Variants in SH3YL1 observed in about 807,000 individuals in gnomAD.
SH3YL1 encodes the protein SH3 and SYLF domain containing 1.
In SH3YL1, 41 loss-of-function variants were observed where a neutral mutation model predicts 45.8. The ratio of observed to expected loss-of-function variants is 0.89; its 90% CI spans 0.70 to 1.16. The LOEUF is 1.16. SH3YL1 is among the 50% of genes most tolerant of loss of function. SH3YL1 has a pLI of 0.00. For missense variants in SH3YL1, 389 were observed against 409.6 expected (o/e 0.95, Z 0.43); for synonymous variants, 152 against 151.4 (o/e 1.00, Z -0.03).
At chr2:263,819 G>A (rs1669711578) in intron 1 of SH3YL1, 165 bp downstream of exon 1, 1 of 563,734 alleles carries the variant, frequency 1.8e-6, no homozygotes, top group Non-Finnish European at 3.2e-6. Context: ...GGTCAAGAAA[G>A]TCCTGGAAGC....
At chr2:241,802 C>A (rs1190028058) in intron 4 of SH3YL1, 7 of 151,818 alleles carry the variant, frequency 4.6e-5, no homozygotes, top group African/African-American at 1.7e-4. Flanking sequence ...AAGTATATTT[C>A]AAAAATGAAG....
chr2:223,794 C>T (rs779234226), intron 9 of SH3YL1, among the ~76,000 whole-genome samples: 42 of 152,236 alleles, frequency 2.8e-4, no homozygotes, highest in African/African-American at 9.1e-4. Context: ...GGTGAGCCCC[C>T]GACCATCGCA....
In SH3YL1 at chr2:249,857, A is replaced by T. The variant is rs776573659; in HGVS notation, c.113-13T>A. ...GCAATTACGTGAGCTGTTAACGTGGAAAACAATGGGAAGGTAAGCATTTTG... is the reference window on the plus strand; with the variant it reads ...GCAATTACGTGAGCTGTTAACGTGGTAAACAATGGGAAGGTAAGCATTTTG... On this transcript the variant is annotated splice_polypyrimidine_tract_variant and intron_variant, in intron 2 of 9. Transcript: ENST00000356150. 5.9e-6 allele frequency: 9 copies of T among 1,521,740 alleles called. No homozygotes were observed. In the African/African-American group the frequency reaches 1.1e-4, roughly 19 times the overall value. 94.3% of individuals were successfully genotyped at this position (1,521,740 alleles called of 1,614,324 possible). A position where few individuals can be genotyped will look rare whatever the true frequency, so the allele number is the denominator to read the frequency against.
chr2:241,814 G>T (rs1668560275), intron 4 of SH3YL1: 1 of 151,834 alleles, frequency 6.6e-6, no homozygotes, highest in Non-Finnish European at 1.5e-5. Flanking sequence ...AAAATGAAGG[G>T]GATATGAAGA....
At chr2:258,985 C>T (rs1211334058) in intron 1 of SH3YL1, among the ~76,000 whole-genome samples, 1 of 152,190 alleles carries the variant, frequency 6.6e-6, no homozygotes, top group East Asian at 1.9e-4. Flanking sequence ...TTACCTCAGC[C>T]TCTTCAGACT....
chr2:225,357 T>C (rs1209788914), intron 8 of SH3YL1, among the ~76,000 whole-genome samples: 11 of 152,198 alleles, frequency 7.2e-5, no homozygotes, highest in African/African-American at 2.4e-4. Context: ...CAGAACGGTC[T>C]GGGGGTTTGC....
chr2:242,331 C>G (rs984098513), intron 4 of SH3YL1, among the ~76,000 whole-genome samples: 37 of 151,676 alleles, frequency 2.4e-4, no homozygotes, highest in African/African-American at 8.5e-4. Context: ...TCATGAATTG[C>G]TGAGTGTGTA....
At chr2:227,673 T>C (rs1302373601) in intron 8 of SH3YL1, among the ~76,000 whole-genome samples, 1 of 152,200 alleles carries the variant, frequency 6.6e-6, no homozygotes, top group Non-Finnish European at 1.5e-5. Context: ...TGTTTGTACA[T>C]GCCATGTGTA....
rs934392520 is a variant in SH3YL1 at position 229,601 on chromosome 2, C to T, written c.781+365G>A. ...AAAATTAGCCGGGCGTAGTGGCGGG[C>T]GCCTGTAGTCCCAGCTACTTGGGAG... is the stretch of plus-strand genomic sequence containing the variant. On this transcript the variant is annotated intron_variant, in intron 8 of 9. Transcript: ENST00000356150. Among the ~76,000 whole-genome samples, 168 of 150,036 alleles carry T rather than the reference C, an allele frequency of 1.1e-3. 1 individual carries two copies. The highest frequency in any genetic ancestry group is 6.9e-3 in the Middle Eastern group (2 of 288).
chr2:251,665 T>C (rs1256396106), intron 2 of SH3YL1, among the ~76,000 whole-genome samples: 2 of 152,194 alleles, frequency 1.3e-5, no homozygotes, highest in Non-Finnish European at 2.9e-5. Flanking sequence ...TGCAGACTGA[T>C]TTGTGACGTC....
Position 234,649 on chromosome 2 carries a change from C to A in SH3YL1, c.292-377G>T, listed in dbSNP as rs114453826. ...GTTGTTGGAAGGGATCCAACATGCT[C>A]TCTGATCTCATCAGACTAAACTTTG... On this transcript the variant is annotated intron_variant, in intron 4 of 9. Transcript: ENST00000356150. Among the ~76,000 whole-genome samples the A allele has an allele frequency of 3.3e-3, 485 of 145,902 alleles. 2 individuals are homozygous for A. Among genetic ancestry groups the A allele is most frequent in the African/African-American group, 0.012 (475 of 39,726 alleles).
At chr2:264,537 T>C (rs1217373352), upstream of SH3YL1, 2 of 179,200 alleles carry the variant, frequency 1.1e-5, no homozygotes, top group African/African-American at 2.6e-5. Flanking sequence ...ATAGGTAACC[T>C]TTACCTCCCG....
At chr2:231,312 CACT>C (rs1668033684) in intron 6 of SH3YL1, 121 bp from the exon 7 acceptor site, 3 of 741,564 alleles carry the variant, frequency 4.0e-6, no homozygotes, top group Middle Eastern at 3.9e-4. Context: ...ACTTCATATA[CACT>C]ACTTTTTAAA....
chr2:254,457 C>G (rs1669218213), intron 1 of SH3YL1, among the ~76,000 whole-genome samples: 1 of 152,214 alleles, frequency 6.6e-6, no homozygotes, highest in South Asian at 2.1e-4. Flanking sequence ...TCTTGTCTCA[C>G]TGTCTACAAT....
chr2:220,034 ATAAT>A (rs941442771), intron 9 of SH3YL1, among the ~76,000 whole-genome samples: 1 of 151,908 alleles, frequency 6.6e-6, no homozygotes, highest in Non-Finnish European at 1.5e-5. Context: ...TCATAAAAAT[ATAAT>A]TAAACAGTTT....
At chr2:226,569 A>C (rs1188481549) in intron 8 of SH3YL1, among the ~76,000 whole-genome samples, 1 of 152,226 alleles carries the variant, frequency 6.6e-6, no homozygotes, top group Non-Finnish European at 1.5e-5. Flanking sequence ...GAAGAATGTC[A>C]TAATGGATGT....
chr2:262,773 A>G (rs1353091599), intron 1 of SH3YL1: 1 of 1,122,784 alleles, frequency 8.9e-7, no homozygotes, highest in Non-Finnish European at 1.2e-6. Context: ...AAATCTCTTG[A>G]GAATAAAGTT....
chr2:253,273 C>T (rs556504310), intron 1 of SH3YL1, among the ~76,000 whole-genome samples, 158 bp from the exon 2 acceptor site: 1 of 152,316 alleles, frequency 6.6e-6, no homozygotes, highest in African/African-American at 2.4e-5. Context: ...CTGAGACCTA[C>T]TGGGCTGCAT....
At chr2:262,382 C>T in intron 1 of SH3YL1, 1 of 284,212 alleles carries the variant, frequency 3.5e-6, no homozygotes, top group Non-Finnish European at 6.9e-6. Flanking sequence ...CAGGCTGTGG[C>T]TGGGGAAGGA....
Sources: gnomAD v4.1 joint callset for allele counts (sites outside exome capture counted in the v4.1 genomes callset) on GRCh38, gnomAD v4.1.1 for gene constraint, MANE v1.5 for transcripts, NCBI Gene and HGNC (gene_info 2026-07-23, HGNC 2026-07-21) for gene names.